The following ARMC2 variants were observed in gnomAD, a reference collection of about 807,000 sequenced individuals.
The protein encoded by ARMC2 is armadillo repeat-containing protein 2.
ARMC2 carries 67 observed loss-of-function variants against 90.3 expected under a neutral mutation model. That is an observed-to-expected ratio of 0.74 (90% CI 0.61 to 0.91). The LOEUF (loss-of-function observed/expected upper bound fraction) is 0.91. Among genes scored for constraint, ARMC2 ranks in the 40% least tolerant of loss-of-function variants. The probability of loss-of-function intolerance (pLI) is 0.00; values close to 1 mark genes in which losing one functional copy is unlikely to be tolerated. For missense variants in ARMC2, 920 were observed against 1,030.9 expected (o/e 0.89, Z 1.47); for synonymous variants, 393 against 393.0 (o/e 1.00, Z 0.00).
chr6:108,894,760 C>G (rs1417478472), intron 6 of ARMC2, among the ~76,000 whole-genome samples: 1 of 103,378 alleles, frequency 9.7e-6, no homozygotes, highest in Non-Finnish European at 1.8e-5. Flanking sequence ...AGATGACAGT[C>G]TTTTTTTTTT....
In ARMC2 at chr6:108,937,084, G is replaced by A. The variant is rs915900724; in HGVS notation, c.1596+85G>A. 4 of 1,177,910 alleles carry A rather than the reference G, an allele frequency of 3.4e-6. No individual in the cohort carries two copies. The South Asian group carries it at 5.9e-5, about 17-fold the overall frequency. 73.0% of individuals were successfully genotyped at this position (1,177,910 alleles called of 1,614,324 possible). ...CCCATGTTAAATGTCTTTATGTTTT[G>A]AGTATATAGGTTTCTATAAGAAACT... On this transcript the variant is annotated intron_variant, in intron 12 of 17. Transcript: ENST00000392644.
At chr6:108,877,833 T>C (rs1349408321) in intron 5 of ARMC2, among the ~76,000 whole-genome samples, 2 of 152,228 alleles carry the variant, frequency 1.3e-5, no homozygotes, top group East Asian at 3.8e-4. Flanking sequence ...CATTTATATA[T>C]TTTATCCCAC....
chr6:108,990,301 A>C, the ARMC2 span, among the ~76,000 whole-genome samples: 1 of 152,258 alleles, frequency 6.6e-6, no homozygotes, highest in African/African-American at 2.4e-5. Context: ...AGGTAGAAAC[A>C]TAAGTGTATC....
intron 10 of ARMC2, among the ~76,000 whole-genome samples, chr6:108,925,235 C>CT (rs1774996142): frequency 6.6e-6 from 1 of 152,104 alleles, no homozygotes; most frequent in Non-Finnish European, 1.5e-5. Context: ...TTTTTTACTC[C>CT]TCTGCTTTCA....
At chr6:108,993,946 T>C in the ARMC2 span, among the ~76,000 whole-genome samples, 5 of 151,614 alleles carry the variant, frequency 3.3e-5, no homozygotes, top group Admixed American at 6.6e-5. Context: ...AAGAGAAGCG[T>C]GGGCAATATA....
At chr6:108,950,073 G>A (rs1407565018) in intron 12 of ARMC2, among the ~76,000 whole-genome samples, 3 of 152,102 alleles carry the variant, frequency 2.0e-5, no homozygotes, top group Non-Finnish European at 4.4e-5. Flanking sequence ...AAGTTTGATG[G>A]TGCATGCCTG....
chr6:109,017,695 G>T, the ARMC2 span, among the ~76,000 whole-genome samples: 1 of 152,128 alleles, frequency 6.6e-6, no homozygotes, highest in Non-Finnish European at 1.5e-5. Flanking sequence ...TTAGCAGATA[G>T]CTTGGGATTC....
the ARMC2 span, among the ~76,000 whole-genome samples, chr6:109,004,234 A>G: frequency 6.6e-6 from 1 of 152,206 alleles, no homozygotes; most frequent in Non-Finnish European, 1.5e-5. Context: ...CAGCAGGCCT[A>G]AGAATACCAC....
the ARMC2 span, among the ~76,000 whole-genome samples, chr6:109,015,028 C>T: frequency 6.6e-6 from 1 of 152,072 alleles, no homozygotes; most frequent in Non-Finnish European, 1.5e-5. Flanking sequence ...AGGAGACCCT[C>T]AAAAATTATG....
Position 108,973,660 on chromosome 6 carries a change from A to T in ARMC2, c.*146A>T, listed in dbSNP as rs1481758300. 5 of 730,468 alleles carry T rather than the reference A, an allele frequency of 6.8e-6. No homozygotes were observed. Among genetic ancestry groups the T allele is most frequent in the South Asian group, 3.1e-5 (1 of 31,858 alleles). 45.2% of individuals were successfully genotyped at this position (730,468 alleles called of 1,614,324 possible). The stretch of plus-strand genomic sequence containing the variant: ...TTAGTGAGTAGCTGAAGTATTTTTT[A>T]AAATTAAGCATTTCTTCTTGTTAGG... On this transcript the variant is annotated 3_prime_UTR_variant, in exon 18 of 18. Coordinates refer to ENST00000392644, the MANE Select transcript of ARMC2 (RefSeq NM_032131.6).
intron 5 of ARMC2, among the ~76,000 whole-genome samples, chr6:108,878,440 G>C (rs951230328): frequency 6.6e-6 from 1 of 152,232 alleles, no homozygotes; most frequent in Non-Finnish European, 1.5e-5. Flanking sequence ...GGCTTGTCCA[G>C]TGTGACAGCG....
At chr6:108,885,632 C>T (rs1430987349) in intron 5 of ARMC2, among the ~76,000 whole-genome samples, 1 of 151,598 alleles carries the variant, frequency 6.6e-6, no homozygotes, top group Admixed American at 6.6e-5. Flanking sequence ...TGAGATTGCA[C>T]CCCTGCACTC....
At chr6:109,042,266 A>G in the ARMC2 span, among the ~76,000 whole-genome samples, 5 of 152,154 alleles carry the variant, frequency 3.3e-5, no homozygotes, top group African/African-American at 9.6e-5. Context: ...AAATTCAAAT[A>G]AATGATCTAA....
At chr6:108,923,275 G>A (rs141893942) in intron 10 of ARMC2, among the ~76,000 whole-genome samples, 10 of 152,222 alleles carry the variant, frequency 6.6e-5, no homozygotes, top group African/African-American at 2.2e-4. Flanking sequence ...TTAAGTTTGT[G>A]CATTTATAGA....
At chr6:108,909,371 AT>A (rs2128469831) in intron 8 of ARMC2, among the ~76,000 whole-genome samples, 1 of 151,256 alleles carries the variant, frequency 6.6e-6, no homozygotes, top group African/African-American at 2.4e-5. Context: ...GATGTTTTTT[AT>A]TTTTCTTTTT....
intron 4 of ARMC2, among the ~76,000 whole-genome samples, chr6:108,872,633 G>A (rs962825296): frequency 2.6e-5 from 4 of 152,208 alleles, no homozygotes; most frequent in African/African-American, 9.6e-5. Flanking sequence ...GCTGTGAGCA[G>A]CAGCCTTATC....
At chr6:108,880,101 TA>T in intron 5 of ARMC2, 1 of 369,464 alleles carries the variant, frequency 2.7e-6, no homozygotes, top group Non-Finnish European at 5.3e-6. Context: ...AACAGAGAAG[TA>T]AATTTCATCA....
intron 3 of ARMC2, among the ~76,000 whole-genome samples, chr6:108,860,949 G>A (rs540838909): frequency 2.6e-5 from 4 of 152,190 alleles, no homozygotes; most frequent in South Asian, 4.1e-4. Flanking sequence ...TAACATCCAT[G>A]TTTATAATAA....
chr6:109,022,871 T>G, the ARMC2 span, among the ~76,000 whole-genome samples: 1 of 152,168 alleles, frequency 6.6e-6, no homozygotes, highest in African/African-American at 2.4e-5. Flanking sequence ...TCAAGCATAT[T>G]CTTTCTACTA....
Sources: allele counts gnomAD v4.1 joint callset (sites outside exome capture counted in the v4.1 genomes callset), GRCh38; gene constraint gnomAD v4.1.1; transcripts MANE v1.5; gene names NCBI Gene and HGNC (gene_info 2026-07-23, HGNC 2026-07-21).